Variants in UTRN observed in about 807,000 individuals in gnomAD.
UTRN encodes utrophin.
UTRN carries 283 observed loss-of-function variants against 463.9 expected under a neutral mutation model. The observed-to-expected ratio is 0.61, with a 90% CI of 0.55 to 0.67. The LOEUF is 0.67. Ranked by LOEUF, UTRN falls within the 30% of genes least tolerant of loss-of-function variation. The probability of loss-of-function intolerance (pLI) is 0.00; values close to 1 mark genes in which losing one functional copy is unlikely to be tolerated. For missense variants in UTRN, 3,922 were observed against 4,084.3 expected, an observed-to-expected ratio of 0.96 and a Z score of 1.08; for synonymous variants, 1,442 against 1,431.5, an observed-to-expected ratio of 1.01 and a Z score of -0.17.
chr6:144,510,978 A>T lies in UTRN; in HGVS notation c.4799A>T (p.Asp1600Val), dbSNP rs1795116864. 1.2e-6 allele frequency: 2 copies of T among 1,607,280 alleles called. No homozygotes were observed. The highest frequency in any genetic ancestry group is 1.7e-6 in the Non-Finnish European group (2 of 1,175,964). ...AAGGATCTGGAAAAGAGAAAAGCTG[A>T]TTTAAATACCATCACAGAGAGTAGT... is the stretch of plus-strand genomic sequence containing the variant. ...VLKDLEKRKA[D>V]LNTITESSAA... Residue 1600 changes from aspartate to valine, a missense_variant, in exon 35 of 75, where the codon GAT (aspartate) becomes GTT (valine). Asp to Val is a radical substitution (Grantham distance 152, BLOSUM62 -3). This residue lies in a region of UTRN where 2,349 missense variants were observed against 2,303.8 expected (regional missense o/e 1.02). Transcript: ENST00000367545.
intron 2 of UTRN, among the ~76,000 whole-genome samples, chr6:144,310,796 A>G (rs994222857): frequency 2.0e-5 from 3 of 152,236 alleles, no homozygotes; most frequent in Non-Finnish European, 2.9e-5. Context: ...ACAAACAAAC[A>G]AAAAACAAAC....
intron 51 of UTRN, among the ~76,000 whole-genome samples, chr6:144,621,830 T>A (rs180746417): frequency 9.9e-5 from 15 of 152,278 alleles, no homozygotes; most frequent in Admixed American, 7.2e-4. Flanking sequence ...CTGTTTGGTT[T>A]ATGGAAAAGA....
intron 51 of UTRN, chr6:144,660,183 G>A (rs1399111248): frequency 6.4e-6 from 3 of 470,520 alleles, no homozygotes; most frequent in African/African-American, 4.0e-5. Context: ...TTGTCTGAAG[G>A]AAGTTTGCCG....
At chr6:144,578,620 C>T (rs1240180600) in intron 51 of UTRN, among the ~76,000 whole-genome samples, 1 of 152,184 alleles carries the variant, frequency 6.6e-6, no homozygotes, top group Non-Finnish European at 1.5e-5. Flanking sequence ...CAGGCCTGAG[C>T]CACCGTGCCT....
At chr6:144,725,037 A>G (rs4895651) in intron 53 of UTRN, among the ~76,000 whole-genome samples, 18,997 of 152,190 alleles carry the variant, frequency 0.12, 1,776 homozygotes, top group Admixed American at 0.33. Context: ...TGGCTGTGAT[A>G]TGGTTTGGCT....
intron 66 of UTRN, among the ~76,000 whole-genome samples, chr6:144,824,608 A>C (rs371712427): frequency 0.2 from 9,072 of 44,332 alleles, 1,126 homozygotes; most frequent in East Asian, 0.53. Flanking sequence ...ATATATATAT[A>C]TATATCTTTT....
At chr6:144,813,420 C>T (rs892460706) in intron 65 of UTRN, among the ~76,000 whole-genome samples, 1 of 152,070 alleles carries the variant, frequency 6.6e-6, no homozygotes, top group Admixed American at 6.5e-5. Context: ...ATCTCCTGAC[C>T]TCGTGATCCG....
chr6:144,341,650 T>C (rs1777147073), intron 2 of UTRN, among the ~76,000 whole-genome samples: 1 of 152,348 alleles, frequency 6.6e-6, no homozygotes, highest in East Asian at 1.9e-4. Context: ...GACTATTTAC[T>C]GACAAAAGGC....
intron 66 of UTRN, among the ~76,000 whole-genome samples, chr6:144,825,081 G>C (rs2128755099): frequency 6.6e-6 from 1 of 152,118 alleles, no homozygotes; most frequent in Middle Eastern, 3.4e-3. Flanking sequence ...ACCGAGCCTG[G>C]CCTGTGTTAC....
chr6:144,835,786 C>G lies in UTRN; in HGVS notation c.9672C>G (p.Asp3224Glu). 6.2e-7 allele frequency: 1 copy of G among 1,613,924 alleles called. No homozygotes were observed. Among genetic ancestry groups the G allele is most frequent in the Non-Finnish European group, 8.5e-7 (1 of 1,179,926 alleles). The change falls in exon 70 of 75, where the codon GAC becomes GAG. Residue 3224 changes from aspartate to glutamate, a missense_variant. Physicochemically the swap from Asp to Glu is conservative, Grantham distance 45 (BLOSUM62 2). Transcript: ENST00000367545. ...DSSSTTGSVE[D>E]EHALIQQYCQ... is the part of the protein sequence containing the mutation. ...GTTTCCTTTGTCTTGCTAGGGAAGACGAGCACGCCCTCATCCAGCAGTATT... is the reference window on the plus strand; with the variant it reads ...GTTTCCTTTGTCTTGCTAGGGAAGAGGAGCACGCCCTCATCCAGCAGTATT...
Position 144,403,162 on chromosome 6 carries a change from G to A in UTRN, c.119G>A (p.Trp40Ter), listed in dbSNP as rs1783074943. 1 of 1,613,306 alleles carries A rather than the reference G, an allele frequency of 6.2e-7. No homozygotes were observed. The highest frequency in any genetic ancestry group is 1.3e-5 in the African/African-American group (1 of 74,826). Residue 40 changes from tryptophan to a stop codon, truncating the protein, a stop_gained, in exon 3 of 75, where the codon TGG (tryptophan) becomes TAG (stop). Coordinates refer to ENST00000367545, the MANE Select transcript of UTRN (RefSeq NM_007124.3). LOFTEE classifies it high-confidence loss of function. ...GTACAGAAGAAAACCTTTACCAAAT[G>A]GATAAATGCTCGATTTTCAAAGGTA... ...NDVQKKTFTK[W>*]INARFSKSGK...
At chr6:144,841,163 T>C (rs1046153676) in intron 73 of UTRN, among the ~76,000 whole-genome samples, 1 of 152,232 alleles carries the variant, frequency 6.6e-6, no homozygotes, top group Non-Finnish European at 1.5e-5. Flanking sequence ...GGAACACATC[T>C]TAGTTCAAAG....
rs748767742 is a variant in UTRN, at chr6:144,516,828, C to T, written c.5421C>T (p.Ala1807=). The T allele has an allele frequency of 6.7e-6, 10 of 1,484,782 alleles. No individual in the cohort carries two copies. In the African/African-American group the frequency reaches 9.0e-5, roughly 13 times the overall value. The allele number at this position is 1,484,782 out of a possible 1,614,324, so 92.0% of individuals were successfully genotyped here. A position where few individuals can be genotyped will look rare whatever the true frequency, so the allele number is the denominator to read the frequency against. Residue 1807 remains alanine, a synonymous_variant, in exon 39 of 75, where the codon GCC becomes GCT. Coordinates refer to ENST00000367545, the MANE Select transcript of UTRN (RefSeq NM_007124.3). Reference sequence around the variant, plus strand: ...AAATTTAGATGGATGAGGAGAGTGCCCAGATTGAGGAAGTTCTACAAAGAG... The same window carrying T: ...AAATTTAGATGGATGAGGAGAGTGCTCAGATTGAGGAAGTTCTACAAAGAG... The part of the protein sequence containing the change: ...DEDEKMDEES[A]QIEEVLQRGE...
chr6:144,302,537 A>G (rs557805673), intron 2 of UTRN, among the ~76,000 whole-genome samples: 3 of 150,008 alleles, frequency 2.0e-5, no homozygotes, highest in Admixed American at 2.0e-4. Context: ...ATGCCTTTTA[A>G]TGGTTTTAAA....
intron 51 of UTRN, among the ~76,000 whole-genome samples, chr6:144,620,243 G>T (rs1775209679): frequency 6.6e-6 from 1 of 152,120 alleles, no homozygotes; most frequent in Non-Finnish European, 1.5e-5. Context: ...GTACCCACCT[G>T]TGCTGCTAAA....
intron 11 of UTRN, among the ~76,000 whole-genome samples, chr6:144,438,014 C>T (rs1786753952): frequency 6.6e-6 from 1 of 152,208 alleles, no homozygotes; most frequent in Non-Finnish European, 1.5e-5. Context: ...TGCCTGTAAT[C>T]CCAGCACTTG....
intron 60 of UTRN, among the ~76,000 whole-genome samples, chr6:144,776,156 T>C (rs1265491088): frequency 2.6e-5 from 4 of 152,214 alleles, no homozygotes; most frequent in African/African-American, 7.2e-5. Context: ...TTCAGTTTAC[T>C]AGAAATACCC....
intron 2 of UTRN, among the ~76,000 whole-genome samples, chr6:144,329,213 G>C (rs1163831941): frequency 6.6e-6 from 1 of 151,774 alleles, no homozygotes. Flanking sequence ...CTCCCGAGTA[G>C]CTGGGACTAC....
chr6:144,549,595 G>A (rs1418200008), intron 47 of UTRN, among the ~76,000 whole-genome samples: 1 of 152,172 alleles, frequency 6.6e-6, no homozygotes, highest in Non-Finnish European at 1.5e-5. Context: ...CTGTAGCAAG[G>A]CAAGAGTCTA....
Sources: gnomAD v4.1 joint callset for allele counts (sites outside exome capture counted in the v4.1 genomes callset) on GRCh38, gnomAD v4.1.1 for gene constraint, gnomAD v4.1.1 regional missense constraint, MANE v1.5 for transcripts, NCBI Gene and HGNC (gene_info 2026-07-23, HGNC 2026-07-21) for gene names.